FNBP1L: variants seen among roughly 807,000 people sequenced by gnomAD.
FNBP1L encodes formin-binding protein 1-like.
A neutral mutation model predicts 91.2 loss-of-function variants in FNBP1L; 36 were observed. That is an observed-to-expected ratio of 0.39 (90% CI 0.30 to 0.52). The LOEUF is 0.52. Ranked by LOEUF, FNBP1L falls within the 20% of genes least tolerant of loss-of-function variation. The probability of loss-of-function intolerance (pLI) is 0.66; values close to 1 mark genes in which losing one functional copy is unlikely to be tolerated. For synonymous variants in FNBP1L, 242 were observed against 237.0 expected (o/e 1.02, Z -0.19); for missense variants, 571 against 732.1 (o/e 0.78, Z 2.54).
chr1:93,495,378 T>C (rs927224180), intron 1 of FNBP1L, among the ~76,000 whole-genome samples: 4 of 152,172 alleles, frequency 2.6e-5, no homozygotes, highest in Non-Finnish European at 5.9e-5. Context: ...TAACAGTAAA[T>C]GTATTAACCA....
At chr1:93,471,348 A>T (rs1242867635) in intron 1 of FNBP1L, among the ~76,000 whole-genome samples, 1 of 152,146 alleles carries the variant, frequency 6.6e-6, no homozygotes, top group Non-Finnish European at 1.5e-5. Context: ...TTAAAGCTAC[A>T]TTTTTGTTTT....
intron 1 of FNBP1L, among the ~76,000 whole-genome samples, chr1:93,492,340 C>G (rs1029405258): frequency 6.6e-6 from 1 of 151,946 alleles, no homozygotes; most frequent in Non-Finnish European, 1.5e-5. Flanking sequence ...GTAGGAAGGA[C>G]TTGATAAAAA....
chr1:93,527,748 G>A (rs562487561), intron 5 of FNBP1L, among the ~76,000 whole-genome samples: 1 of 151,966 alleles, frequency 6.6e-6, no homozygotes, highest in Non-Finnish European at 1.5e-5. Context: ...AGGATCCCAG[G>A]ATATTTAAAG....
intron 10 of FNBP1L, among the ~76,000 whole-genome samples, chr1:93,540,160 A>G (rs1671987312): frequency 1.3e-5 from 2 of 152,130 alleles, no homozygotes; most frequent in Non-Finnish European, 2.9e-5. Context: ...TGGGAGATAT[A>G]TCCAAATCCA....
chr1:93,526,588 G>A (rs1191750182), intron 5 of FNBP1L, among the ~76,000 whole-genome samples: 1 of 152,128 alleles, frequency 6.6e-6, no homozygotes, highest in African/African-American at 2.4e-5. Flanking sequence ...TGGCTGTGGG[G>A]AGTCTAGGAG....
rs772303508 is a variant in FNBP1L, at chr1:93,523,502, C to A, written c.342+11C>A. On this transcript the variant is annotated intron_variant, in intron 4 of 16. Transcript: ENST00000271234. Reference sequence around the variant, plus strand: ...ACTGAAAGAAAAATGGTAATTCTTACAATTTTCATCCAATTGCAATAGTAT... The same window carrying A: ...ACTGAAAGAAAAATGGTAATTCTTAAAATTTTCATCCAATTGCAATAGTAT... 11 of 1,592,844 alleles carry A rather than the reference C, an allele frequency of 6.9e-6. No homozygotes were observed. Among genetic ancestry groups the A allele is most frequent in the Admixed American group, 1.8e-5 (1 of 56,884 alleles).
intron 2 of FNBP1L, among the ~76,000 whole-genome samples, chr1:93,518,036 C>T (rs1325210534): frequency 6.6e-6 from 1 of 152,176 alleles, no homozygotes; most frequent in Non-Finnish European, 1.5e-5. Context: ...ATGGTAATGT[C>T]AAGTAATACA....
At chr1:93,510,790 A>G (rs572025310) in intron 2 of FNBP1L, among the ~76,000 whole-genome samples, 6 of 152,162 alleles carry the variant, frequency 3.9e-5, no homozygotes, top group South Asian at 2.1e-4. Flanking sequence ...ACCAAGGCTC[A>G]AGAACTACGT....
At chr1:93,450,496 C>G (rs1668457866) in intron 1 of FNBP1L, among the ~76,000 whole-genome samples, 1 of 152,130 alleles carries the variant, frequency 6.6e-6, no homozygotes, top group Non-Finnish European at 1.5e-5. Flanking sequence ...ATAAGCAGAA[C>G]TTGGTGTAGA....
chr1:93,535,522 T>C (rs1212559970), intron 9 of FNBP1L, among the ~76,000 whole-genome samples: 1 of 152,128 alleles, frequency 6.6e-6, no homozygotes, highest in African/African-American at 2.4e-5. Context: ...AATTAAGTGG[T>C]TGTACTCGTG....
At chr1:93,511,449 A>G (rs1238503098) in intron 2 of FNBP1L, among the ~76,000 whole-genome samples, 1 of 152,214 alleles carries the variant, frequency 6.6e-6, no homozygotes, top group African/African-American at 2.4e-5. Flanking sequence ...AGAGCTCCTG[A>G]AGGAAGCAAT....
At chr1:93,492,819 CTG>C (rs1172782219) in intron 1 of FNBP1L, among the ~76,000 whole-genome samples, 3 of 152,024 alleles carry the variant, frequency 2.0e-5, no homozygotes, top group African/African-American at 4.8e-5. Context: ...AAAAAAGAAA[CTG>C]TGGATTAAAT....
At chr1:93,514,514 A>G (rs1670996607) in intron 2 of FNBP1L, among the ~76,000 whole-genome samples, 1 of 151,938 alleles carries the variant, frequency 6.6e-6, no homozygotes, top group Non-Finnish European at 1.5e-5. Context: ...CTGACTTCAA[A>G]CTATACTACA....
intron 1 of FNBP1L, among the ~76,000 whole-genome samples, chr1:93,456,535 CA>C (rs1284171886): frequency 6.9e-6 from 1 of 145,244 alleles, no homozygotes; most frequent in Non-Finnish European, 1.5e-5. Context: ...TTTGGGAGAC[CA>C]GGGTGGGTGG....
intron 1 of FNBP1L, among the ~76,000 whole-genome samples, chr1:93,448,857 C>G (rs1355159112): frequency 1.3e-5 from 2 of 152,060 alleles, no homozygotes; most frequent in East Asian, 1.9e-4. Context: ...CGGCTTTGTT[C>G]GGAGCCCGGC....
rs1557822602 is a variant in FNBP1L at position 93,547,332 on chromosome 1, A to G, written c.1408-15A>G. On this transcript the variant is annotated splice_polypyrimidine_tract_variant and intron_variant, in intron 13 of 16. Transcript: ENST00000271234. The stretch of plus-strand genomic sequence containing the variant: ...ATTTATTGAGCTCAGTTGTTTGCTT[A>G]TTTTTTTTCCTAAGGCTTGGCTCTC... 6.5e-7 allele frequency: 1 copy of G among 1,543,608 alleles called. No homozygotes were observed. Among genetic ancestry groups the G allele is most frequent in the African/African-American group, 1.4e-5 (1 of 72,938 alleles).
chr1:93,491,892 A>G (rs1434790750), intron 1 of FNBP1L, among the ~76,000 whole-genome samples: 2 of 152,216 alleles, frequency 1.3e-5, no homozygotes, highest in African/African-American at 4.8e-5. Context: ...TTTGTCAGTT[A>G]TAAAATAAAT....
chr1:93,520,388 G>A (rs2101748570), intron 2 of FNBP1L, among the ~76,000 whole-genome samples: 1 of 152,266 alleles, frequency 6.6e-6, no homozygotes, highest in Admixed American at 6.5e-5. Flanking sequence ...CAAATTGTTT[G>A]CGATGATGGA....
In FNBP1L at chr1:93,483,394, C is replaced by G. The variant is rs111766631; in HGVS notation, c.25-16074C>G. Among the ~76,000 whole-genome samples the G allele has an allele frequency of 8.5e-5, 13 of 152,136 alleles. No homozygotes were observed. The Middle Eastern group carries it at 0.01, about 119-fold the overall frequency. On this transcript the variant is annotated intron_variant, in intron 1 of 16. Coordinates refer to ENST00000271234, the MANE Select transcript of FNBP1L (RefSeq NM_001164473.3). ...CATTTCCGTTTTACTCAGTGCCTCC[C>G]ACCAGTATTACAGTCACAGTAAGTC...
Sources: gnomAD v4.1 joint callset for allele counts (sites outside exome capture counted in the v4.1 genomes callset) on GRCh38, gnomAD v4.1.1 for gene constraint, MANE v1.5 for transcripts, NCBI Gene and HGNC (gene_info 2026-07-23, HGNC 2026-07-21) for gene names.